Variants in KIF1A observed in about 807,000 individuals in gnomAD.
The protein encoded by KIF1A is kinesin-like protein KIF1A.
Under a neutral mutation model 227.3 loss-of-function variants are expected in KIF1A, and 46 were observed. The ratio of observed to expected loss-of-function variants is 0.20; its 90% confidence interval spans 0.16 to 0.26. The LOEUF (loss-of-function observed/expected upper bound fraction) is 0.26. Ranked by LOEUF, KIF1A falls within the 10% of genes least tolerant of loss-of-function variation. The pLI, the probability that KIF1A is intolerant of heterozygous loss-of-function variation, is 1.00. For synonymous variants in KIF1A, 1,022 were observed against 1,012.8 expected (o/e 1.01, Z -0.17); for missense variants, 1,683 against 2,485.9 (o/e 0.68, Z 6.87).
At chr2:240,812,412 G>A (rs1448204078) in intron 1 of KIF1A, among the ~76,000 whole-genome samples, 9 of 152,216 alleles carry the variant, frequency 5.9e-5, no homozygotes, top group African/African-American at 1.7e-4. Context: ...GCAGAGCATC[G>A]CACAGGCATC....
intron 37 of KIF1A, among the ~76,000 whole-genome samples, chr2:240,738,299 C>A (rs968542643): frequency 4.6e-5 from 7 of 152,218 alleles, no homozygotes; most frequent in African/African-American, 1.7e-4. Context: ...TCCTGACCCT[C>A]TGTTGTCTGC....
At chr2:240,812,963 A>ACCTTCACCTCGGGGATCCG (rs1485983112) in intron 1 of KIF1A, among the ~76,000 whole-genome samples, 36 of 60,036 alleles carry the variant, frequency 6.0e-4, no homozygotes, top group African/African-American at 1.9e-3. Context: ...TCAAGGATCC[A>ACCTTCACCTCGGGGATCCG]CCTTCACCTC....
rs112349855 is a variant in KIF1A, at chr2:240,789,652, T to G, written c.107-340A>C. ...CAAGCTGCGGCCCCTCCATCTCTGG[T>G]GTCCACCTTGGGCTCACAGCCCCTG... On this transcript the variant is annotated intron_variant, in intron 2 of 48. Coordinates refer to ENST00000498729, the MANE Select transcript of KIF1A (RefSeq NM_001244008.2). The surrounding 1 kb of genome is among the most constrained non-coding windows in gnomAD (Gnocchi z 4.8). Among the ~76,000 whole-genome samples, 1 of 152,200 alleles carries G rather than the reference T, an allele frequency of 6.6e-6. No individual in the cohort carries two copies. The highest frequency in any genetic ancestry group is 2.4e-5 in the African/African-American group (1 of 41,442).
intron 38 of KIF1A, among the ~76,000 whole-genome samples, chr2:240,733,265 AC>A (rs1322517951): frequency 6.6e-6 from 1 of 152,056 alleles, no homozygotes; most frequent in Non-Finnish European, 1.5e-5. Flanking sequence ...GGCTCCCCAG[AC>A]CCAGATCTTT....
At chr2:240,748,172 G>C (rs1436516689) in intron 28 of KIF1A, among the ~76,000 whole-genome samples, 1 of 152,194 alleles carries the variant, frequency 6.6e-6, no homozygotes, top group East Asian at 1.9e-4. Flanking sequence ...CCCAGTATAT[G>C]ACATGGGATA....
At chr2:240,741,831 C>T (rs564565683) in intron 34 of KIF1A, among the ~76,000 whole-genome samples, 17 of 152,312 alleles carry the variant, frequency 1.1e-4, no homozygotes, top group African/African-American at 1.4e-4. Context: ...AGGCCTGGCC[C>T]GAGAGGACCT....
In KIF1A at chr2:240,758,342, A is replaced by G. The variant is rs1377101717; in HGVS notation, c.2582+18T>C. The G allele has an allele frequency of 6.2e-7, 1 of 1,604,256 alleles. No individual in the cohort carries two copies. Among genetic ancestry groups the G allele is most frequent in the Non-Finnish European group, 8.5e-7 (1 of 1,175,294 alleles). The stretch of plus-strand genomic sequence containing the variant: ...CTCTCAATCTCTCTCTCTGCCAAGG[A>G]AGGGAGGAGGCGCCCACCTGCCCAC... On this transcript the variant is annotated intron_variant, in intron 26 of 48. Transcript: ENST00000498729. This position sits in a 1 kb window ranked among gnomAD's most constrained non-coding sequence, Gnocchi z 5.2.
chr2:240,818,335 G>A (rs1374271343), intron 1 of KIF1A, among the ~76,000 whole-genome samples: 2 of 152,118 alleles, frequency 1.3e-5, no homozygotes, highest in South Asian at 2.1e-4. Context: ...CCGATCCCAC[G>A]CTGGGCCCCT....
At position 240,763,001 on chromosome 2, in the gene KIF1A, C is replaced by CG; in HGVS notation, c.2022+17dup. On this transcript the variant is annotated intron_variant, in intron 22 of 48. Coordinates refer to ENST00000498729, the MANE Select transcript of KIF1A (RefSeq NM_001244008.2). ...GTGGGTGGGGGCTGGGCAGGGAGGG[C>CG]GGGGCCACGTCACTCACCAGCCGCT... 9.2e-7 allele frequency: 1 copy of CG among 1,087,364 alleles called. No individual in the cohort carries two copies. The highest frequency in any genetic ancestry group is 1.2e-6 in the Non-Finnish European group (1 of 821,198). 67.4% of individuals were successfully genotyped at this position (1,087,364 alleles called of 1,614,324 possible). A position where few individuals can be genotyped will look rare whatever the true frequency, so the allele number is the denominator to read the frequency against.
chr2:240,788,025 G>GCCCCCCCCCCC lies in KIF1A; in HGVS notation c.363+25_363+26insGGGGGGGGGGG. ...TGGTCCCGCCCCATCTGCCAGGGCT[G>GCCCCCCCCCCC]CCCCCGCCCGCCCCCCGCTTCGTGC... On this transcript the variant is annotated intron_variant, in intron 4 of 48. Coordinates refer to ENST00000498729, the MANE Select transcript of KIF1A (RefSeq NM_001244008.2). The surrounding 1 kb of genome is among the most constrained non-coding windows in gnomAD (Gnocchi z 6.6). 1 of 1,466,780 alleles carries GCCCCCCCCCCC rather than the reference G, an allele frequency of 6.8e-7. No individual in the cohort carries two copies. The highest frequency in any genetic ancestry group is 9.3e-7 in the Non-Finnish European group (1 of 1,073,804). 90.9% of individuals were successfully genotyped at this position (1,466,780 alleles called of 1,614,324 possible).
At chr2:240,734,123 G>C (rs1006208569) in intron 38 of KIF1A, among the ~76,000 whole-genome samples, 1 of 152,260 alleles carries the variant, frequency 6.6e-6, no homozygotes, top group Non-Finnish European at 1.5e-5. Flanking sequence ...CCAGAGGAGC[G>C]TGGCTGGAGC....
At chr2:240,745,372 G>A in intron 32 of KIF1A, 55 bp downstream of exon 32, 2 of 1,316,648 alleles carry the variant, frequency 1.5e-6, no homozygotes, top group South Asian at 1.2e-5. Flanking sequence ...TGCTCAGAGA[G>A]GCCCTGGGAG....
intron 24 of KIF1A, 29 bp downstream of exon 24, chr2:240,761,200 G>C: frequency 6.3e-7 from 1 of 1,596,730 alleles, no homozygotes; most frequent in Non-Finnish European, 8.6e-7. Context: ...CTCTCCAACA[G>C]GAAACGGTAC....
intron 38 of KIF1A, among the ~76,000 whole-genome samples, chr2:240,730,706 C>T (rs549207664): frequency 4.9e-4 from 75 of 152,326 alleles, no homozygotes; most frequent in East Asian, 1.2e-3. Context: ...GCTTGAACCC[C>T]GACCTCAGGG....
chr2:240,728,297 G>GC, intron 38 of KIF1A: 1 of 762,338 alleles, frequency 1.3e-6, no homozygotes, highest in Non-Finnish European at 2.0e-6. Flanking sequence ...CAGAGAAAGG[G>GC]CATAGAAGCA....
chr2:240,730,471 T>C (rs1015902866), intron 38 of KIF1A, among the ~76,000 whole-genome samples: 1 of 152,188 alleles, frequency 6.6e-6, no homozygotes, highest in African/African-American at 2.4e-5. Context: ...CCCTGTCCCC[T>C]GAAGCCTCCC....
At chr2:240,804,712 A>G (rs2057237951) in intron 1 of KIF1A, among the ~76,000 whole-genome samples, 1 of 152,186 alleles carries the variant, frequency 6.6e-6, no homozygotes, top group Non-Finnish European at 1.5e-5. Flanking sequence ...AGTGTTACTG[A>G]GAATTTAAGG....
At chr2:240,745,391 A>G (rs1471953769) in intron 32 of KIF1A, 36 bp downstream of exon 32, 1 of 1,477,922 alleles carries the variant, frequency 6.8e-7, no homozygotes, top group Middle Eastern at 1.7e-4. Flanking sequence ...AGGGTCAGTC[A>G]GTGGCAGGGA....
At chr2:240,723,670 G>A (rs909597016) in intron 41 of KIF1A, 112 bp from the exon 42 acceptor site, 3 of 1,255,640 alleles carry the variant, frequency 2.4e-6, no homozygotes, top group Non-Finnish European at 3.3e-6. Context: ...GTGGAGATGG[G>A]CTTCCCCTGG....
Sources: allele counts gnomAD v4.1 joint callset (sites outside exome capture counted in the v4.1 genomes callset), GRCh38; gene constraint gnomAD v4.1.1; non-coding constraint Gnocchi (gnomAD v3.1); transcripts MANE v1.5; gene names NCBI Gene and HGNC (gene_info 2026-07-23, HGNC 2026-07-21).